The following UBE2W variants were observed in gnomAD, a reference collection of about 807,000 sequenced individuals.
The protein encoded by UBE2W is ubiquitin-conjugating enzyme E2 W.
UBE2W carries 18 observed loss-of-function variants against 27.2 expected under a neutral mutation model. The observed-to-expected ratio is 0.66, with a 90% CI of 0.46 to 0.98. UBE2W has a LOEUF of 0.98. Ranked by LOEUF, UBE2W falls within the 50% of genes least tolerant of loss-of-function variation. The pLI is 0.00. For synonymous variants in UBE2W, 53 were observed against 57.2 expected, an observed-to-expected ratio of 0.93 and a Z score of 0.33; for missense variants, 90 against 180.2, an observed-to-expected ratio of 0.50 and a Z score of 2.87.
Position 73,803,022 on chromosome 8 carries a change from AAAAT to A in UBE2W, c.442+2625_442+2628del, listed in dbSNP as rs548652584. Among the ~76,000 whole-genome samples the A allele has an allele frequency of 2.6e-3, 397 of 151,180 alleles. 1 individual carries two copies. The highest frequency in any genetic ancestry group is 9.3e-3 in the African/African-American group (381 of 41,176). ...CTGGGCGACAGCAAGACTCCGTCTCAAAATAAATAAATAAATAAACAAAAATAAA... is the reference window on the plus strand; with the variant it reads ...CTGGGCGACAGCAAGACTCCGTCTCAAAATAAATAAATAAACAAAAATAAA... On this transcript the variant is annotated intron_variant, in intron 5 of 5. Coordinates refer to ENST00000602593, the MANE Select transcript of UBE2W (RefSeq NM_018299.6).
chr8:73,821,476 G>A (rs1809606975), intron 3 of UBE2W, among the ~76,000 whole-genome samples: 1 of 148,288 alleles, frequency 6.7e-6, no homozygotes, highest in African/African-American at 2.5e-5. Flanking sequence ...CTGTCAGGGG[G>A]TGAGGAATTC....
At chr8:73,832,097 C>T (rs1810089648) in intron 1 of UBE2W, 1 of 149,472 alleles carries the variant, frequency 6.7e-6, no homozygotes, top group African/African-American at 2.5e-5. Context: ...ATAGTGAGAC[C>T]CTGTCTCTAC....
At chr8:73,840,003 T>C (rs560721891) in intron 1 of UBE2W, among the ~76,000 whole-genome samples, 8 of 151,934 alleles carry the variant, frequency 5.3e-5, no homozygotes, top group Admixed American at 4.6e-4. Flanking sequence ...CCCAAAGCAC[T>C]GGGATTACAG....
At chr8:73,851,975 A>G (rs1182832904) in intron 1 of UBE2W, among the ~76,000 whole-genome samples, 1 of 150,806 alleles carries the variant, frequency 6.6e-6, no homozygotes, top group African/African-American at 2.4e-5. Flanking sequence ...AAAAAAAAAA[A>G]AAAGGAAAGA....
chr8:73,848,910 A>C (rs530230668), intron 1 of UBE2W, among the ~76,000 whole-genome samples: 45 of 152,336 alleles, frequency 3.0e-4, no homozygotes, highest in Non-Finnish European at 3.7e-4. Context: ...AACATGTATC[A>C]AACTGATCTA....
chr8:73,785,752 GTTATT>G (rs776643239), downstream of UBE2W, among the ~76,000 whole-genome samples: 153 of 151,692 alleles, frequency 1.0e-3, no homozygotes, highest in Admixed American at 3.5e-3. Context: ...CCACCACGCC[GTTATT>G]TTATTTTTAG....
chr8:73,814,278 T>A (rs1416835677), intron 3 of UBE2W, among the ~76,000 whole-genome samples: 1 of 152,222 alleles, frequency 6.6e-6, no homozygotes, highest in East Asian at 1.9e-4. Context: ...CTGACAAAAC[T>A]GACTAGAACC....
chr8:73,833,974 T>C (rs6982398), intron 1 of UBE2W: 12,333 of 152,194 alleles, frequency 0.081, 1,606 homozygotes, highest in African/African-American at 0.28. Flanking sequence ...ACATAGTGCA[T>C]GACAGCCCAG....
At chr8:73,860,765 T>C (rs999500004) in intron 1 of UBE2W, among the ~76,000 whole-genome samples, 4 of 151,956 alleles carry the variant, frequency 2.6e-5, no homozygotes, top group Non-Finnish European at 4.4e-5. Flanking sequence ...AGGTAAGTTT[T>C]AAAAACAAAC....
chr8:73,859,184 C>G (rs1332897806), intron 1 of UBE2W, among the ~76,000 whole-genome samples: 2 of 152,104 alleles, frequency 1.3e-5, no homozygotes, highest in African/African-American at 4.8e-5. Flanking sequence ...CCTCCTCTTC[C>G]TCTTCTCAGT....
chr8:73,852,448 T>A (rs927889296), intron 1 of UBE2W, among the ~76,000 whole-genome samples: 1 of 152,214 alleles, frequency 6.6e-6, no homozygotes, highest in Non-Finnish European at 1.5e-5. Flanking sequence ...TGACTCAGAA[T>A]GAAATAAAAT....
intron 3 of UBE2W, among the ~76,000 whole-genome samples, chr8:73,820,473 G>A (rs1809562070): frequency 1.3e-5 from 2 of 152,116 alleles, no homozygotes; most frequent in African/African-American, 2.4e-5. Flanking sequence ...CTCACTGGGC[G>A]TGCCTATGAT....
chr8:73,875,038 C>T, intron 1 of UBE2W, among the ~76,000 whole-genome samples: 1 of 151,874 alleles, frequency 6.6e-6, no homozygotes, highest in East Asian at 1.9e-4. Context: ...GACCCTGTCT[C>T]CAAAAAAGAA....
chr8:73,788,631 A>T lies in UBE2W; in HGVS notation c.*5471T>A. 1 of 985,476 alleles carries T rather than the reference A, an allele frequency of 1.0e-6. No homozygotes were observed. The highest frequency in any genetic ancestry group is 1.2e-6 in the Non-Finnish European group (1 of 829,940). 61.0% of individuals were successfully genotyped at this position (985,476 alleles called of 1,614,324 possible). A position where few individuals can be genotyped will look rare whatever the true frequency, so the allele number is the denominator to read the frequency against. On this transcript the variant is annotated 3_prime_UTR_variant, in exon 6 of 6. Coordinates refer to ENST00000602593, the MANE Select transcript of UBE2W (RefSeq NM_018299.6). ...TAAATTGTAAGTTTCAGGCTTCAAA[A>T]GAGGCAGGATTATTAAATCTTTCCA...
chr8:73,786,835 T>C lies in UBE2W; in HGVS notation c.*7267A>G, dbSNP rs1807976842. 9.1e-6 allele frequency: 9 copies of C among 985,426 alleles called. No homozygotes were observed. Among genetic ancestry groups the C allele is most frequent in the African/African-American group, 3.5e-5 (2 of 57,352 alleles). The allele number at this position is 985,426 out of a possible 1,614,324, so 61.0% of individuals were successfully genotyped here. A position where few individuals can be genotyped will look rare whatever the true frequency, so the allele number is the denominator to read the frequency against. ...GCAAGGAGAGGACTACTGAGTATCA[T>C]TGCTTGATTAAGTTGGATGGGAATG... On this transcript the variant is annotated 3_prime_UTR_variant, in exon 6 of 6. Coordinates refer to ENST00000602593, the MANE Select transcript of UBE2W (RefSeq NM_018299.6).
intron 2 of UBE2W, among the ~76,000 whole-genome samples, 184 bp downstream of exon 2, chr8:73,830,187 ATGCAACAATG>A (rs1283013903): frequency 6.6e-6 from 1 of 152,238 alleles, no homozygotes; most frequent in Non-Finnish European, 1.5e-5. Context: ...TTTACAAATT[ATGCAACAATG>A]TTTATAATGC....
chr8:73,866,954 G>T (rs969380169), intron 1 of UBE2W, among the ~76,000 whole-genome samples: 6 of 149,870 alleles, frequency 4.0e-5, no homozygotes, highest in Admixed American at 2.7e-4. Flanking sequence ...GCAGTGAGCC[G>T]AGATCACGCC....
At chr8:73,800,103 TATATATA>T (rs546513024) in intron 5 of UBE2W, among the ~76,000 whole-genome samples, 39 of 152,236 alleles carry the variant, frequency 2.6e-4, no homozygotes, top group Admixed American at 2.3e-3. Context: ...GCTATTCTGA[TATATATA>T]AAGGAGAAGA....
At chr8:73,831,662 C>T (rs1312087353) in intron 1 of UBE2W, 1 of 152,076 alleles carries the variant, frequency 6.6e-6, no homozygotes, top group Non-Finnish European at 1.5e-5. Flanking sequence ...CGTCCTTCTG[C>T]CTGAGTCTCC....
Sources: allele counts gnomAD v4.1 joint callset (sites outside exome capture counted in the v4.1 genomes callset), GRCh38; gene constraint gnomAD v4.1.1; transcripts MANE v1.5; gene names NCBI Gene and HGNC (gene_info 2026-07-23, HGNC 2026-07-21).